The following CTSH variants were observed in gnomAD, a reference collection of about 807,000 sequenced individuals.
CTSH encodes the protein cathepsin H.
Under a neutral mutation model 56.3 loss-of-function variants are expected in CTSH, and 52 were observed. The ratio of observed to expected loss-of-function variants is 0.92; its 90% CI spans 0.74 to 1.16. The LOEUF (loss-of-function observed/expected upper bound fraction) is 1.16. Among genes scored for constraint, CTSH ranks in the 50% most tolerant of loss-of-function variants. The pLI, the probability that CTSH is intolerant of heterozygous loss-of-function variation, is 0.00. For synonymous variants in CTSH, 174 were observed against 155.7 expected (o/e 1.12, Z -0.88); for missense variants, 406 against 424.5 (o/e 0.96, Z 0.38).
chr15:78,937,114 C>G (rs1025158302), intron 3 of CTSH: 2 of 571,586 alleles, frequency 3.5e-6, no homozygotes, highest in Non-Finnish European at 6.3e-6. Context: ...TTCACAACCA[C>G]CCAGAGGGGT....
At chr15:78,937,221 T>C (rs2055194312) in intron 3 of CTSH, 97 bp downstream of exon 3, 1 of 937,738 alleles carries the variant, frequency 1.1e-6, no homozygotes, top group Non-Finnish European at 1.7e-6. Context: ...GAGCCTGGGC[T>C]TCTGCTCCCT....
chr15:78,929,592 G>A (rs2071622594), intron 7 of CTSH, 99 bp from the exon 8 acceptor site: 3 of 770,478 alleles, frequency 3.9e-6, no homozygotes, highest in Non-Finnish European at 2.1e-6. Context: ...TGGCAGGCTG[G>A]GGACTTGGTT....
chr15:78,941,448 A>AAT (rs2055289053), intron 1 of CTSH, among the ~76,000 whole-genome samples: 2 of 147,584 alleles, frequency 1.4e-5, no homozygotes, highest in African/African-American at 5.0e-5. Flanking sequence ...AAAAAAAAAA[A>AAT]AATTAAATGT....
chr15:78,937,104 T>G (rs1160986486), intron 3 of CTSH: 1 of 555,610 alleles, frequency 1.8e-6, no homozygotes, highest in African/African-American at 1.9e-5. Context: ...TCTTGTAAAC[T>G]TCACAACCAC....
intron 10 of CTSH, among the ~76,000 whole-genome samples, chr15:78,924,958 A>G (rs902736749): frequency 1.3e-5 from 2 of 151,672 alleles, no homozygotes; most frequent in Admixed American, 6.6e-5. Context: ...GGCCTCCCAA[A>G]GTGCTGGGAG....
chr15:78,934,714 A>G, intron 5 of CTSH: 1 of 515,748 alleles, frequency 1.9e-6, no homozygotes, highest in Non-Finnish European at 3.6e-6. Flanking sequence ...GAGACCTGGG[A>G]CCAATGGGAA....
At chr15:78,933,900 C>T (rs961827313) in intron 5 of CTSH, among the ~76,000 whole-genome samples, 6 of 152,194 alleles carry the variant, frequency 3.9e-5, no homozygotes, top group African/African-American at 9.7e-5. Context: ...CACCTCATTC[C>T]GCTCCCTTAG....
At chr15:78,944,847 T>C (rs1333590899) in intron 1 of CTSH, 44 bp downstream of exon 1, 9 of 1,535,362 alleles carry the variant, frequency 5.9e-6, no homozygotes, top group Non-Finnish European at 7.9e-6. Context: ...GCGTCCACTC[T>C]AGGGCCTGCT....
At chr15:78,924,582 G>C (rs1245075183) in intron 10 of CTSH, among the ~76,000 whole-genome samples, 1 of 152,138 alleles carries the variant, frequency 6.6e-6, no homozygotes, top group African/African-American at 2.4e-5. Context: ...AGAGGCTAAA[G>C]CTTGGTTTTT....
chr15:78,940,890 C>T (rs1219037294), intron 1 of CTSH, among the ~76,000 whole-genome samples: 3 of 151,730 alleles, frequency 2.0e-5, no homozygotes, highest in African/African-American at 7.3e-5. Context: ...ACCTGAGAGG[C>T]GGAGGCTGCT....
intron 3 of CTSH, 47 bp from the exon 4 acceptor site, chr15:78,935,797 A>C: frequency 7.1e-7 from 1 of 1,402,072 alleles, no homozygotes; most frequent in Non-Finnish European, 1.0e-6. Flanking sequence ...TTAGTGAATC[A>C]CTAATGAAGA....
chr15:78,924,760 G>A (rs2054864875), intron 10 of CTSH, among the ~76,000 whole-genome samples: 1 of 151,586 alleles, frequency 6.6e-6, no homozygotes, highest in Non-Finnish European at 1.5e-5. Flanking sequence ...CACGATCTTG[G>A]CTTAGTGCTA....
chr15:78,926,345 T>C (rs542759893), intron 9 of CTSH: 1 of 152,448 alleles, frequency 6.6e-6, no homozygotes, highest in East Asian at 1.9e-4. Context: ...CAAGGCCTTG[T>C]GAGCCCAACA....
chr15:78,935,879 A>C, intron 3 of CTSH, 129 bp from the exon 4 acceptor site: 1 of 632,710 alleles, frequency 1.6e-6, no homozygotes, highest in Admixed American at 2.8e-5. Flanking sequence ...ATCTCCTTTA[A>C]GTTTTTGTAT....
At chr15:78,935,903 G>A (rs2055164386) in intron 3 of CTSH, among the ~76,000 whole-genome samples, 153 bp from the exon 4 acceptor site, 1 of 152,196 alleles carries the variant, frequency 6.6e-6, no homozygotes, top group Non-Finnish European at 1.5e-5. Context: ...ATATAATTCA[G>A]TAGATAATTC....
chr15:78,925,256 A>C (rs1472958470), intron 10 of CTSH, 78 bp downstream of exon 10: 2 of 909,348 alleles, frequency 2.2e-6, no homozygotes, highest in South Asian at 1.4e-5. Context: ...CACGAGCCCA[A>C]GTCCCACGAG....
intron 7 of CTSH, 33 bp from the exon 8 acceptor site, chr15:78,929,526 G>C (rs774812950): frequency 6.6e-7 from 1 of 1,515,960 alleles, no homozygotes; most frequent in South Asian, 1.2e-5. Flanking sequence ...AGCCCACCTG[G>C]GGCTGTCCTG....
Position 78,925,370 on chromosome 15 carries a change from T to G in CTSH, c.770A>C (p.Gln257Pro), listed in dbSNP as rs772715662. The G allele has an allele frequency of 6.2e-7, 1 of 1,613,658 alleles. No homozygotes were observed. Among genetic ancestry groups the G allele is most frequent in the South Asian group, 1.1e-5 (1 of 91,070 alleles). ...GCCGGTTCTATACATCATGAAGTCCTGAGTCACCTCAAAGGCAAAGCTCAC... is the reference window on the plus strand; with the variant it reads ...GCCGGTTCTATACATCATGAAGTCCGGAGTCACCTCAAAGGCAAAGCTCAC... ...NPVSFAFEVT[Q>P]DFMMYRTGIY... The change falls in exon 10 of 12, where the codon CAG (glutamine) becomes CCG (proline). Residue 257 changes from glutamine (Q) to proline (P), a missense_variant. Coordinates refer to ENST00000220166, the MANE Select transcript of CTSH (RefSeq NM_004390.5).
intron 3 of CTSH, among the ~76,000 whole-genome samples, chr15:78,936,087 C>T (rs2055168186): frequency 6.6e-6 from 1 of 152,080 alleles, no homozygotes. Context: ...AACCACTCCA[C>T]TGGTGCCAGG....
Sources: allele counts gnomAD v4.1 joint callset (sites outside exome capture counted in the v4.1 genomes callset), GRCh38; gene constraint gnomAD v4.1.1; transcripts MANE v1.5; gene names NCBI Gene and HGNC (gene_info 2026-07-23, HGNC 2026-07-21).